Variants in TAF4B observed in about 807,000 individuals in gnomAD.
The protein encoded by TAF4B is TATA-box binding protein associated factor 4b.
A neutral mutation model predicts 86.4 loss-of-function variants in TAF4B; 38 were observed. The observed-to-expected ratio is 0.44, with a 90% confidence interval of 0.34 to 0.58. TAF4B has a LOEUF of 0.58. TAF4B is among the 20% of genes least tolerant of loss of function. TAF4B has a pLI of 0.02. For synonymous variants in TAF4B, 388 were observed against 391.2 expected (o/e 0.99, Z 0.10); for missense variants, 988 against 1,027.6 (o/e 0.96, Z 0.53).
At chr18:26,294,688 A>G (rs1252553933) in intron 9 of TAF4B, among the ~76,000 whole-genome samples, 1 of 149,804 alleles carries the variant, frequency 6.7e-6, no homozygotes, top group African/African-American at 2.4e-5. Context: ...AAAAATATGT[A>G]TATATACAGA....
At chr18:26,313,038 G>T (rs1005637853) in intron 9 of TAF4B, among the ~76,000 whole-genome samples, 29 of 152,044 alleles carry the variant, frequency 1.9e-4, no homozygotes, top group African/African-American at 7.0e-4. Flanking sequence ...AATTTCTTAT[G>T]TATCTTTCCA....
intron 1 of TAF4B, among the ~76,000 whole-genome samples, chr18:26,240,827 C>T (rs1480498530): frequency 6.6e-6 from 1 of 152,198 alleles, no homozygotes; most frequent in Non-Finnish European, 1.5e-5. Flanking sequence ...GCCTTTTCCA[C>T]ATCTATTGAG....
At chr18:26,296,507 A>T (rs2056664821) in intron 9 of TAF4B, among the ~76,000 whole-genome samples, 1 of 151,814 alleles carries the variant, frequency 6.6e-6, no homozygotes, top group Admixed American at 6.6e-5. Flanking sequence ...GGTAGATGAG[A>T]TTGAGAAGAT....
At chr18:26,367,921 A>G (rs17799796) in intron 14 of TAF4B, among the ~76,000 whole-genome samples, 6,997 of 152,124 alleles carry the variant, frequency 0.046, 205 homozygotes, top group Non-Finnish European at 0.061. Context: ...TTGAGTGCCT[A>G]TTTTTCCATT....
At chr18:26,281,466 C>G (rs969956011) in intron 5 of TAF4B, among the ~76,000 whole-genome samples, 21 of 152,184 alleles carry the variant, frequency 1.4e-4, no homozygotes, top group Admixed American at 4.6e-4. Flanking sequence ...TCAGCTACAT[C>G]TTACACATTA....
chr18:26,302,451 T>C (rs540383050), intron 9 of TAF4B, among the ~76,000 whole-genome samples: 3 of 137,174 alleles, frequency 2.2e-5, no homozygotes, highest in Non-Finnish European at 4.6e-5. Context: ...CATGCCTCAC[T>C]GCAACCTCAA....
intron 3 of TAF4B, 87 bp downstream of exon 3, chr18:26,267,710 A>G: frequency 6.7e-6 from 6 of 898,858 alleles, no homozygotes; most frequent in Non-Finnish European, 1.1e-5. Flanking sequence ...TATGTAAGTT[A>G]CTGTGTGACA....
chr18:26,315,783 A>C (rs117711563), intron 10 of TAF4B, among the ~76,000 whole-genome samples: 6,351 of 152,154 alleles, frequency 0.042, 176 homozygotes, highest in Non-Finnish European at 0.059. Flanking sequence ...AAAGAAAGTA[A>C]CTCCCTTTCC....
chr18:26,303,811 A>G (rs1384485380), intron 9 of TAF4B, among the ~76,000 whole-genome samples: 7 of 152,296 alleles, frequency 4.6e-5, no homozygotes, highest in African/African-American at 1.4e-4. Context: ...GCCTGAGTCC[A>G]TAGGCCCACT....
At chr18:26,378,283 T>G (rs1171249508) in intron 14 of TAF4B, among the ~76,000 whole-genome samples, 1 of 152,226 alleles carries the variant, frequency 6.6e-6, no homozygotes, top group African/African-American at 2.4e-5. Flanking sequence ...GATACATAAA[T>G]TTCTCAAGCA....
At chr18:26,267,445 T>G in intron 2 of TAF4B, 71 bp from the exon 3 acceptor site, 2 of 969,088 alleles carry the variant, frequency 2.1e-6, no homozygotes, top group East Asian at 4.8e-5. Flanking sequence ...GTTCTAATGT[T>G]CACTGCAGTA....
At position 26,391,254 on chromosome 18, in the gene TAF4B, C is replaced by A. The variant is rs1014158817; in HGVS notation, c.*1242C>A. 1 of 150,434 alleles carries A rather than the reference C, an allele frequency of 6.6e-6. No homozygotes were observed. Among genetic ancestry groups the A allele is most frequent in the African/African-American group, 2.4e-5 (1 of 40,900 alleles). 9.3% of individuals were successfully genotyped at this position (150,434 alleles called of 1,614,324 possible). A position where few individuals can be genotyped will look rare whatever the true frequency, so the allele number is the denominator to read the frequency against. On this transcript the variant is annotated 3_prime_UTR_variant, in exon 15 of 15. Transcript: ENST00000269142. ...AAATTCCACGTGTGTGGAATACAGC[C>A]GGTGAAAAATAATCACTGTAGTTAG...
intron 12 of TAF4B, among the ~76,000 whole-genome samples, chr18:26,328,391 A>T (rs1284089824): frequency 1.3e-5 from 2 of 152,058 alleles, no homozygotes; most frequent in Admixed American, 6.6e-5. Context: ...TGGAGGTTGC[A>T]GTGAGCTGAA....
At chr18:26,273,794 A>G (rs2056349752) in intron 3 of TAF4B, among the ~76,000 whole-genome samples, 1 of 152,180 alleles carries the variant, frequency 6.6e-6, no homozygotes, top group African/African-American at 2.4e-5. Context: ...ACCTATCTTG[A>G]CTATTATAGA....
At chr18:26,282,704 A>G (rs1228412162) in intron 6 of TAF4B, among the ~76,000 whole-genome samples, 2 of 152,212 alleles carry the variant, frequency 1.3e-5, no homozygotes, top group Non-Finnish European at 2.9e-5. Context: ...TCCCTTCACA[A>G]AAGACTTCTC....
At chr18:26,341,944 G>T (rs1037377535) in intron 13 of TAF4B, among the ~76,000 whole-genome samples, 7 of 151,754 alleles carry the variant, frequency 4.6e-5, no homozygotes, top group Non-Finnish European at 8.8e-5. Context: ...ATTTAACCTT[G>T]CATTCCCTGG....
At position 26,277,713 on chromosome 18, in the gene TAF4B, T is replaced by C. The variant is rs1476327552; in HGVS notation, c.882+2660T>C. ...ATATTCTTTAGAGTCTACTGGTTTA[T>C]CCTGCATGCTGAATGGATCTTTTAC... On this transcript the variant is annotated intron_variant, in intron 5 of 14. Coordinates refer to ENST00000269142, the MANE Select transcript of TAF4B (RefSeq NM_005640.3). 4.6e-5 allele frequency among the ~76,000 whole-genome samples: 7 copies of C among 152,374 alleles called. No homozygotes were observed. The South Asian group carries it at 8.3e-4, about 18-fold the overall frequency.
At chr18:26,389,442 GATT>G (rs1339919625) in intron 14 of TAF4B, among the ~76,000 whole-genome samples, 1 of 150,556 alleles carries the variant, frequency 6.6e-6, no homozygotes, top group Non-Finnish European at 1.5e-5. Context: ...ACATTTGATA[GATT>G]TTTATGTATG....
chr18:26,239,684 T>A (rs2055805516), intron 1 of TAF4B, among the ~76,000 whole-genome samples: 1 of 152,208 alleles, frequency 6.6e-6, no homozygotes, highest in Non-Finnish European at 1.5e-5. Context: ...CTGAATGGTA[T>A]TGCCTAGGTT....
Sources: allele counts gnomAD v4.1 joint callset (sites outside exome capture counted in the v4.1 genomes callset), GRCh38; gene constraint gnomAD v4.1.1; transcripts MANE v1.5; gene names NCBI Gene and HGNC (gene_info 2026-07-23, HGNC 2026-07-21).